CFAP69: variants seen among roughly 807,000 people sequenced by gnomAD.
The protein encoded by CFAP69 is cilia- and flagella-associated protein 69.
In CFAP69, 92 loss-of-function variants were observed where a neutral mutation model predicts 123.0. The ratio of observed to expected loss-of-function variants is 0.75; its 90% CI spans 0.63 to 0.89. CFAP69 has a LOEUF of 0.89. Among genes scored for constraint, CFAP69 ranks in the 40% least tolerant of loss-of-function variants. The pLI is 0.00. For synonymous variants in CFAP69, 380 were observed against 364.3 expected (o/e 1.04, Z -0.49); for missense variants, 1,067 against 1,096.9 (o/e 0.97, Z 0.39).
At chr7:90,306,129 C>T (rs1415731128) in intron 19 of CFAP69, among the ~76,000 whole-genome samples, 5 of 105,722 alleles carry the variant, frequency 4.7e-5, no homozygotes, top group African/African-American at 7.1e-5. Flanking sequence ...GGGGGCGGGG[C>T]GGGGTAGAGA....
chr7:90,285,040 A>G (rs924386471), intron 13 of CFAP69, among the ~76,000 whole-genome samples: 3 of 152,180 alleles, frequency 2.0e-5, no homozygotes, highest in Admixed American at 1.3e-4. Flanking sequence ...CATAAATATG[A>G]GCATTATACT....
chr7:90,282,992 C>A lies in CFAP69; in HGVS notation c.1473C>A (p.Val491=). The A allele has an allele frequency of 6.3e-7, 1 of 1,594,024 alleles. No individual in the cohort carries two copies. Among genetic ancestry groups the A allele is most frequent in the South Asian group, 1.1e-5 (1 of 87,656 alleles). Reference sequence around the variant, plus strand: ...GTTTAAGACTCCTGAGAGCCGTGGTCTACCTTGAAGATGAGACTGTAAACA... The same window carrying A: ...GTTTAAGACTCCTGAGAGCCGTGGTATACCTTGAAGATGAGACTGTAAACA... ...RYSLRLLRAV[V]YLEDETVNKD... Residue 491 remains valine (V), a synonymous_variant, in exon 13 of 23, where the codon GTC becomes GTA. Transcript: ENST00000389297.
intron 10 of CFAP69, 45 bp from the exon 11 acceptor site, chr7:90,277,168 C>A: frequency 6.3e-7 from 1 of 1,574,972 alleles, no homozygotes; most frequent in South Asian, 1.2e-5. Flanking sequence ...CTTGATAAGT[C>A]TTGTACAACA....
chr7:90,276,671 T>C (rs1408664435), intron 9 of CFAP69, among the ~76,000 whole-genome samples: 1 of 152,190 alleles, frequency 6.6e-6, no homozygotes, highest in African/African-American at 2.4e-5. Flanking sequence ...AGTGGAAGTG[T>C]TTAAGAAGAA....
At chr7:90,247,340 C>A (rs1796451713) in intron 1 of CFAP69, among the ~76,000 whole-genome samples, 1 of 152,162 alleles carries the variant, frequency 6.6e-6, no homozygotes, top group Admixed American at 6.5e-5. Flanking sequence ...GTTTCCAGTT[C>A]TTTCAAACCA....
intron 3 of CFAP69, 24 bp from the exon 4 acceptor site, chr7:90,261,923 A>G (rs1280378874): frequency 8.1e-7 from 1 of 1,233,208 alleles, no homozygotes; most frequent in Admixed American, 2.3e-5. Flanking sequence ...TCTGAATTTT[A>G]TTTCTTAACT....
the CFAP69 span, chr7:90,316,770 AT>A: frequency 2.0e-5 from 3 of 152,234 alleles, no homozygotes; most frequent in African/African-American, 7.2e-5. Context: ...CCAATGTAGT[AT>A]GTAAATTCAA....
downstream of CFAP69, among the ~76,000 whole-genome samples, chr7:90,312,968 A>G (rs1794455650): frequency 1.3e-5 from 2 of 152,256 alleles, no homozygotes; most frequent in Admixed American, 1.3e-4. Context: ...TAGCATGGTT[A>G]AACTAATTGT....
intron 13 of CFAP69, among the ~76,000 whole-genome samples, chr7:90,284,155 G>T (rs1454490010): frequency 6.6e-6 from 1 of 152,056 alleles, no homozygotes; most frequent in East Asian, 1.9e-4. Context: ...AATAGCAATG[G>T]TTTTTTTCTT....
At chr7:90,305,147 C>G (rs1416582961) in intron 19 of CFAP69, among the ~76,000 whole-genome samples, 3 of 151,870 alleles carry the variant, frequency 2.0e-5, no homozygotes, top group Non-Finnish European at 4.4e-5. Context: ...TCAAGACCAT[C>G]CTGGCTAACA....
chr7:90,295,545 C>T (rs914132623), intron 15 of CFAP69, among the ~76,000 whole-genome samples: 12 of 152,112 alleles, frequency 7.9e-5, no homozygotes, highest in African/African-American at 2.9e-4. Flanking sequence ...AACACTTACC[C>T]AATATTAGCC....
rs574735311 is a variant in CFAP69 at position 90,304,550 on chromosome 7, T to C, written c.2189-194T>C. The C allele has an allele frequency of 2.4e-5, 33 of 1,361,094 alleles. No individual in the cohort carries two copies. In the African/African-American group the frequency reaches 3.6e-4, roughly 15 times the overall value. 84.3% of individuals were successfully genotyped at this position (1,361,094 alleles called of 1,614,324 possible). A position where few individuals can be genotyped will look rare whatever the true frequency, so the allele number is the denominator to read the frequency against. On this transcript the variant is annotated intron_variant, in intron 18 of 22. Transcript: ENST00000389297. ...TGGATGACCTGGCAGAAATGTGTTA[T>C]AGAAAGAAGCCTACTCACAAGCTAC...
the CFAP69 span, chr7:90,321,138 A>C: frequency 1.3e-5 from 2 of 152,272 alleles, no homozygotes; most frequent in African/African-American, 4.8e-5. Flanking sequence ...GAACTGGGCG[A>C]GGCAGCGCTG....
chr7:90,270,497 T>C (rs1799793482), intron 6 of CFAP69, among the ~76,000 whole-genome samples: 1 of 152,154 alleles, frequency 6.6e-6, no homozygotes, highest in South Asian at 2.1e-4. Flanking sequence ...TATGAAAATA[T>C]AGGCAATTTT....
chr7:90,256,516 T>C (rs924242435), intron 2 of CFAP69, among the ~76,000 whole-genome samples: 1 of 148,538 alleles, frequency 6.7e-6, no homozygotes, highest in Non-Finnish European at 1.5e-5. Flanking sequence ...TCCCAGAACT[T>C]AAAGTATAAA....
At chr7:90,314,481 G>A (rs1010507068), downstream of CFAP69, among the ~76,000 whole-genome samples, 2 of 151,922 alleles carry the variant, frequency 1.3e-5, no homozygotes, top group Non-Finnish European at 2.9e-5. Flanking sequence ...AAAATTATTT[G>A]GGAGTGGTGG....
intron 9 of CFAP69, chr7:90,276,250 G>A (rs913472476): frequency 6.6e-6 from 1 of 152,182 alleles, no homozygotes; most frequent in Non-Finnish European, 1.5e-5. Context: ...TTCATGCTGT[G>A]CAAATAGGGA....
At chr7:90,275,152 T>G (rs927214947) in intron 9 of CFAP69, among the ~76,000 whole-genome samples, 1 of 152,174 alleles carries the variant, frequency 6.6e-6, no homozygotes. Flanking sequence ...TATTTTTCAG[T>G]TTTAGAATTT....
chr7:90,267,961 G>A (rs1799391061), intron 5 of CFAP69, among the ~76,000 whole-genome samples: 1 of 152,098 alleles, frequency 6.6e-6, no homozygotes, highest in South Asian at 2.1e-4. Flanking sequence ...AAGTTTACAT[G>A]GGTAGTAAAT....
Sources: allele counts gnomAD v4.1 joint callset (sites outside exome capture counted in the v4.1 genomes callset), GRCh38; gene constraint gnomAD v4.1.1; transcripts MANE v1.5; gene names NCBI Gene and HGNC (gene_info 2026-07-23, HGNC 2026-07-21).